Variants in CDCA8 observed in about 807,000 individuals in gnomAD.
The protein encoded by CDCA8 is borealin.
CDCA8 carries 25 observed loss-of-function variants against 40.0 expected under a neutral mutation model. That is an observed-to-expected ratio of 0.63 (90% CI 0.46 to 0.87). CDCA8 has a LOEUF of 0.87. Among genes scored for constraint, CDCA8 ranks in the 40% least tolerant of loss-of-function variants. The probability of loss-of-function intolerance (pLI) is 0.00; values close to 1 mark genes in which losing one functional copy is unlikely to be tolerated. For missense variants in CDCA8, 280 were observed against 348.4 expected, an observed-to-expected ratio of 0.80 and a Z score of 1.56; for synonymous variants, 111 against 126.5, an observed-to-expected ratio of 0.88 and a Z score of 0.82.
intron 4 of CDCA8, among the ~76,000 whole-genome samples, chr1:37,699,346 C>G (rs1157499813): frequency 6.6e-6 from 1 of 152,188 alleles, no homozygotes; most frequent in African/African-American, 2.4e-5. Flanking sequence ...TGTTAAAAGA[C>G]TGGTAACACC....
intron 7 of CDCA8, 54 bp downstream of exon 7, chr1:37,703,401 C>T (rs1220723948): frequency 7.9e-7 from 1 of 1,270,670 alleles, no homozygotes; most frequent in Admixed American, 1.7e-5. Flanking sequence ...TTGAGCACTA[C>T]CCAGAGAAGG....
chr1:37,705,634 C>T (rs1343765131), intron 8 of CDCA8, 67 bp downstream of exon 8: 2 of 1,573,332 alleles, frequency 1.3e-6, no homozygotes, highest in Non-Finnish European at 8.7e-7. Flanking sequence ...TTTCCCTGGG[C>T]CCTCACCCAC....
rs544151450 is a variant in CDCA8, at chr1:37,693,523, G to A, written c.223+490G>A. Among the ~76,000 whole-genome samples the A allele has an allele frequency of 5.0e-4, 76 of 152,078 alleles. No individual in the cohort carries two copies. The East Asian group carries it at 0.014, about 28-fold the overall frequency. ...AAGTGATTCTCCTGCCTCAGCCTCTGGAGTGGCTGGGATTACGGTCGCCTG... is the reference window on the plus strand; with the variant it reads ...AAGTGATTCTCCTGCCTCAGCCTCTAGAGTGGCTGGGATTACGGTCGCCTG... On this transcript the variant is annotated intron_variant, in intron 2 of 9. Coordinates refer to ENST00000373055, the MANE Select transcript of CDCA8 (RefSeq NM_001256875.2).
chr1:37,700,731 TAGAC>T (rs1302514471), intron 5 of CDCA8, among the ~76,000 whole-genome samples: 1 of 152,094 alleles, frequency 6.6e-6, no homozygotes, highest in Non-Finnish European at 1.5e-5. Flanking sequence ...CACTAGGACA[TAGAC>T]AGGCCTTTCA....
chr1:37,695,729 C>G (rs1053236709), intron 2 of CDCA8, among the ~76,000 whole-genome samples, 181 bp from the exon 3 acceptor site: 1 of 152,082 alleles, frequency 6.6e-6, no homozygotes, highest in African/African-American at 2.4e-5. Context: ...AGTACCATGG[C>G]AACAAGTCAT....
chr1:37,705,493 A>C lies in CDCA8; in HGVS notation c.637A>C (p.Asn213His), dbSNP rs754168597. ...TCCAGCAGCAGGAGAGCGGATTTAC[A>C]ACATCTCAGGGAATGGCAGCCCTCT... ...RTPAAGERIYNISGNGSPLAD... is the reference protein window; with the variant it reads ...RTPAAGERIYHISGNGSPLAD... The change falls in exon 8 of 10, where the codon AAC becomes CAC. Residue 213 changes from asparagine to histidine, a missense_variant. Transcript: ENST00000373055. The C allele has an allele frequency of 6.2e-7, 1 of 1,613,998 alleles. No individual in the cohort carries two copies. The highest frequency in any genetic ancestry group is 8.5e-7 in the Non-Finnish European group (1 of 1,180,006).
In CDCA8 at chr1:37,692,753, C is replaced by G. The variant is rs1213474483; in HGVS notation, c.63C>G (p.Leu21=). 6.2e-7 allele frequency: 1 copy of G among 1,613,536 alleles called. No individual in the cohort carries two copies. The highest frequency in any genetic ancestry group is 8.5e-7 in the Non-Finnish European group (1 of 1,179,974). The change falls in exon 1 of 10, where the codon CTC becomes CTG. Residue 21 remains leucine, a synonymous_variant. Transcript: ENST00000373055. ...AKTNSLRRRK[L]ASFLKDFDRE... ...CCAACTCCTTACGGAGGCGGAAGCT[C>G]GCCTCCTTTCTGAAAGACTTCGACC...
chr1:37,698,281 C>T (rs1446001656), intron 3 of CDCA8, among the ~76,000 whole-genome samples: 3 of 152,222 alleles, frequency 2.0e-5, no homozygotes, highest in East Asian at 1.9e-4. Flanking sequence ...TAATCCCTGT[C>T]ATGTCCTATC....
chr1:37,706,349 C>T (rs1645601770), intron 8 of CDCA8, among the ~76,000 whole-genome samples: 2 of 151,780 alleles, frequency 1.3e-5, no homozygotes, highest in Non-Finnish European at 2.9e-5. Context: ...CTCAGGTGAT[C>T]CACACACCTC....
chr1:37,695,989 A>C (rs755732497), intron 3 of CDCA8, 39 bp downstream of exon 3: 2 of 1,588,078 alleles, frequency 1.3e-6, no homozygotes, highest in South Asian at 2.2e-5. Flanking sequence ...GTGGTTACTT[A>C]AGTCTAGTCC....
At position 37,701,782 on chromosome 1, in the gene CDCA8, G is replaced by T; in HGVS notation, c.452G>T (p.Arg151Ile). The T allele has an allele frequency of 6.2e-7, 1 of 1,613,270 alleles. No individual in the cohort carries two copies. The highest frequency in any genetic ancestry group is 8.5e-7 in the Non-Finnish European group (1 of 1,179,584). Reference protein sequence around the residue: ...RVKRCPPSKKRTQSIQGKGKG... With the variant: ...RVKRCPPSKKITQSIQGKGKG... ...AAAAGGTGTCCTCCATCCAAGAAGA[G>T]AACTCAGTCCATACAAGGAAAAGGA... Residue 151 changes from arginine (R) to isoleucine (I), a missense_variant, in exon 6 of 10, where the codon AGA (arginine) becomes ATA (isoleucine). Arg to Ile is a moderately conservative substitution (Grantham distance 97). Transcript: ENST00000373055.
intron 5 of CDCA8, among the ~76,000 whole-genome samples, 179 bp from the exon 6 acceptor site, chr1:37,701,575 A>T (rs530721203): frequency 1.3e-5 from 2 of 151,962 alleles, no homozygotes; most frequent in South Asian, 4.2e-4. Context: ...GGAAGTCCTT[A>T]TTCAATTAGT....
rs183128146 is a variant in CDCA8, at chr1:37,706,981, C to G, written c.715C>G (p.Leu239Val). The change falls in exon 9 of 10, where the codon CTG (leucine) becomes GTG (valine). Residue 239 changes from leucine (L) to valine (V), a missense_variant. Leu to Val is a conservative substitution (Grantham distance 32, BLOSUM62 1). Transcript: ENST00000373055. The stretch of plus-strand genomic sequence containing the variant: ...ACCCACTCCCCTTTCTATTCAGAGC[C>G]TGCGATTATTGGCCAGTGACTTGCA... ...LTVPVGGGESLRLLASDLQRH... is the reference protein window; with the variant it reads ...LTVPVGGGESVRLLASDLQRH... 6.2e-7 allele frequency: 1 copy of G among 1,613,990 alleles called. No homozygotes were observed. The highest frequency in any genetic ancestry group is 2.2e-5 in the East Asian group (1 of 44,878).
rs753856561 is a variant in CDCA8 at position 37,708,317 on chromosome 1, T to C, written c.799-5T>C. 6.2e-7 allele frequency: 1 copy of C among 1,610,762 alleles called. No homozygotes were observed. Among genetic ancestry groups the C allele is most frequent in the South Asian group, 1.1e-5 (1 of 90,914 alleles). On this transcript the variant is annotated splice_polypyrimidine_tract_variant and splice_region_variant and intron_variant, in intron 9 of 9. Transcript: ENST00000373055. ...CTACAATGACCTCTCTCCTTTTCTT[T>C]TTAGAACCGTCTCGCCCAAATCTGC...
chr1:37,695,449 C>T (rs1228885082), intron 2 of CDCA8, among the ~76,000 whole-genome samples: 4 of 150,460 alleles, frequency 2.7e-5, no homozygotes, highest in East Asian at 2.0e-4. Context: ...AAAAATTAGC[C>T]GAATGTGGTG....
chr1:37,705,059 G>A (rs1570282877), intron 7 of CDCA8, among the ~76,000 whole-genome samples: 1 of 152,300 alleles, frequency 6.6e-6, no homozygotes, highest in African/African-American at 2.4e-5. Context: ...GTATAATGAT[G>A]TAATATCTAA....
intron 3 of CDCA8, 41 bp from the exon 4 acceptor site, chr1:37,698,864 G>A: frequency 6.0e-6 from 8 of 1,323,240 alleles, no homozygotes; most frequent in African/African-American, 1.5e-5. Context: ...CTCATATTTT[G>A]GTGGAATAAG....
rs778939393 is a variant in CDCA8, at chr1:37,701,825, G to A, written c.488+7G>A. On this transcript the variant is annotated splice_region_variant and intron_variant, in intron 6 of 9. Transcript: ENST00000373055. Reference sequence around the variant, plus strand: ...GAAAAGGAAAAGGGAAAAGGTAGTGGATTTTCTAAAGTTGTGGTGTTTTGG... The same window carrying A: ...GAAAAGGAAAAGGGAAAAGGTAGTGAATTTTCTAAAGTTGTGGTGTTTTGG... 6.2e-7 allele frequency: 1 copy of A among 1,609,102 alleles called. No homozygotes were observed. The highest frequency in any genetic ancestry group is 8.5e-7 in the Non-Finnish European group (1 of 1,175,682).
chr1:37,704,222 A>C (rs1195524860), intron 7 of CDCA8, among the ~76,000 whole-genome samples: 1 of 152,280 alleles, frequency 6.6e-6, no homozygotes, highest in Non-Finnish European at 1.5e-5. Context: ...AGCATGAGCC[A>C]TCACACCCGG....
Sources: allele counts gnomAD v4.1 joint callset (sites outside exome capture counted in the v4.1 genomes callset), GRCh38; gene constraint gnomAD v4.1.1; transcripts MANE v1.5; gene names NCBI Gene and HGNC (gene_info 2026-07-23, HGNC 2026-07-21).